The following UBL3 variants were observed in gnomAD, a reference collection of about 807,000 sequenced individuals.
UBL3 encodes ubiquitin like 3.
Under a neutral mutation model 18.4 loss-of-function variants are expected in UBL3, and 6 were observed. The ratio of observed to expected loss-of-function variants is 0.33; its 90% CI spans 0.18 to 0.64. UBL3 has a LOEUF of 0.64. Ranked by LOEUF, UBL3 falls within the 30% of genes least tolerant of loss-of-function variation. The pLI, the probability that UBL3 is intolerant of heterozygous loss-of-function variation, is 0.76. For synonymous variants in UBL3, 49 were observed against 46.6 expected (o/e 1.05, Z -0.21); for missense variants, 109 against 142.9 (o/e 0.76, Z 1.21).
At chr13:29,811,625 T>C (rs1878087855) in intron 1 of UBL3, among the ~76,000 whole-genome samples, 2 of 152,226 alleles carry the variant, frequency 1.3e-5, no homozygotes, top group Admixed American at 6.5e-5. Flanking sequence ...TTTCAACTGG[T>C]TGTGATACCT....
intron 1 of UBL3, among the ~76,000 whole-genome samples, chr13:29,808,937 T>C (rs571519501): frequency 6.6e-6 from 1 of 152,280 alleles, no homozygotes; most frequent in Admixed American, 6.5e-5. Context: ...TTGGATTAAC[T>C]AAAGACTATT....
Position 29,849,562 on chromosome 13 carries a change from A to G in UBL3, c.-24T>C, listed in dbSNP as rs1199405007. ...ATCTTGCCGTTTGATATACACCCAG[A>G]TGTTTACGAAAAAAACAAACAAAGA... On this transcript the variant is annotated 5_prime_UTR_variant, in exon 1 of 5. Transcript: ENST00000380680. The G allele has an allele frequency of 6.2e-7, 1 of 1,613,584 alleles. No individual in the cohort carries two copies. The highest frequency in any genetic ancestry group is 1.1e-5 in the South Asian group (1 of 91,082).
In UBL3 at chr13:29,764,876, G is replaced by C. The variant is rs1331306693; in HGVS notation, c.*2379C>G. The C allele has an allele frequency of 6.6e-6, 1 of 152,128 alleles. No individual in the cohort carries two copies. The highest frequency in any genetic ancestry group is 2.4e-5 in the African/African-American group (1 of 41,424). The allele number at this position is 152,128 out of a possible 1,614,324, so 9.4% of individuals were successfully genotyped here. On this transcript the variant is annotated 3_prime_UTR_variant, in exon 5 of 5. Coordinates refer to ENST00000380680, the MANE Select transcript of UBL3 (RefSeq NM_007106.4). ...ATGAGGAATCGTATTTTAACCACCA[G>C]GCAGTCCAAGGAATTATTTTTAAAG... is the stretch of plus-strand genomic sequence containing the variant.
At chr13:29,774,134 G>T (rs1876919132) in intron 2 of UBL3, among the ~76,000 whole-genome samples, 1 of 151,684 alleles carries the variant, frequency 6.6e-6, no homozygotes, top group South Asian at 2.1e-4. Context: ...TCTTTTTTTT[G>T]AAAATAAGGG....
intron 1 of UBL3, among the ~76,000 whole-genome samples, chr13:29,837,392 A>G (rs781378449): frequency 9.2e-5 from 14 of 152,228 alleles, no homozygotes; most frequent in Non-Finnish European, 1.3e-4. Context: ...TAAAAACTCA[A>G]TAATTAGAAA....
chr13:29,842,951 T>C (rs1049765440), intron 1 of UBL3, among the ~76,000 whole-genome samples: 1 of 152,218 alleles, frequency 6.6e-6, no homozygotes, highest in Non-Finnish European at 1.5e-5. Flanking sequence ...TTTAAACACA[T>C]ATTATTTTTA....
rs1047666354 is a variant in UBL3 at position 29,798,009 on chromosome 13, T to C, written c.28-20746A>G. Among the ~76,000 whole-genome samples the C allele has an allele frequency of 4.6e-5, 7 of 152,030 alleles. No individual in the cohort carries two copies. The South Asian group carries it at 8.3e-4, about 18-fold the overall frequency. On this transcript the variant is annotated intron_variant, in intron 1 of 4. Transcript: ENST00000380680. The stretch of plus-strand genomic sequence containing the variant: ...GTTTTTCACAATGTAGTTTTTTTTT[T>C]TGATGGCATATTAAATATATATTTT...
intron 1 of UBL3, among the ~76,000 whole-genome samples, chr13:29,835,149 T>TAA (rs1878919234): frequency 1.1e-3 from 20 of 18,590 alleles, no homozygotes; most frequent in Admixed American, 3.1e-3. Flanking sequence ...TATATATATA[T>TAA]ATATATATAT....
chr13:29,794,086 T>A (rs1877547697), intron 1 of UBL3, among the ~76,000 whole-genome samples: 1 of 152,100 alleles, frequency 6.6e-6, no homozygotes, highest in Non-Finnish European at 1.5e-5. Flanking sequence ...CCTCAAGAGA[T>A]CCACTCGCCT....
At chr13:29,778,234 A>G (rs922227574) in intron 1 of UBL3, among the ~76,000 whole-genome samples, 11 of 152,232 alleles carry the variant, frequency 7.2e-5, no homozygotes, top group Admixed American at 2.0e-4. Flanking sequence ...GGGGGATAAC[A>G]GAATTAAAGT....
intron 1 of UBL3, among the ~76,000 whole-genome samples, chr13:29,818,027 T>A (rs996474916): frequency 6.6e-6 from 1 of 152,186 alleles, no homozygotes; most frequent in Non-Finnish European, 1.5e-5. Flanking sequence ...CATTCACAAA[T>A]TGCATTTAGT....
At position 29,785,064 on chromosome 13, in the gene UBL3, C is replaced by T. The variant is rs189832605; in HGVS notation, c.28-7801G>A. ...GGGACTACAGGTGCACGCCACCATG[C>T]CCGGCTAATTTTTGTATTTTTAGTA... On this transcript the variant is annotated intron_variant, in intron 1 of 4. Coordinates refer to ENST00000380680, the MANE Select transcript of UBL3 (RefSeq NM_007106.4). Among the ~76,000 whole-genome samples, 290 of 152,230 alleles carry T rather than the reference C, an allele frequency of 1.9e-3. 1 individual carries two copies. The highest frequency in any genetic ancestry group is 6.6e-3 in the African/African-American group (274 of 41,538).
intron 1 of UBL3, among the ~76,000 whole-genome samples, chr13:29,822,778 A>C (rs1878496841): frequency 6.6e-6 from 1 of 152,112 alleles, no homozygotes; most frequent in African/African-American, 2.4e-5. Context: ...CCTGTGAAAA[A>C]CTCAAAGAAC....
At chr13:29,829,151 G>A (rs1299990878) in intron 1 of UBL3, among the ~76,000 whole-genome samples, 3 of 152,178 alleles carry the variant, frequency 2.0e-5, no homozygotes, top group Non-Finnish European at 4.4e-5. Flanking sequence ...CCCACTTGAG[G>A]AGGCAGTCTG....
intron 1 of UBL3, among the ~76,000 whole-genome samples, chr13:29,835,083 AATATAAATATATATAT>A (rs1878884077): frequency 1.2e-5 from 1 of 86,296 alleles, no homozygotes; most frequent in African/African-American, 5.7e-5. Context: ...AAAATATATA[AATATAAATATATATAT>A]ATATATAAAT....
At position 29,767,104 on chromosome 13, in the gene UBL3, T is replaced by A. The variant is rs911296330; in HGVS notation, c.*151A>T. Reference sequence around the variant, plus strand: ...ATGTTCTTGGTTCTTTTTACTTTCATGAGAAAAGATGACAGTGTTCATGTG... The same window carrying A: ...ATGTTCTTGGTTCTTTTTACTTTCAAGAGAAAAGATGACAGTGTTCATGTG... On this transcript the variant is annotated 3_prime_UTR_variant, in exon 5 of 5. Transcript: ENST00000380680. The A allele has an allele frequency of 1.3e-5, 8 of 629,956 alleles. No homozygotes were observed. The highest frequency in any genetic ancestry group is 1.5e-5 in the Non-Finnish European group (6 of 390,344). 39.0% of individuals were successfully genotyped at this position (629,956 alleles called of 1,614,324 possible).
intron 1 of UBL3, among the ~76,000 whole-genome samples, chr13:29,801,222 CTG>C (rs1173336300): frequency 3.9e-5 from 6 of 152,274 alleles, no homozygotes; most frequent in Middle Eastern, 3.4e-3. Context: ...TCTCTTTTCT[CTG>C]TGAGACCCCA....
At chr13:29,839,815 T>C (rs1879052036) in intron 1 of UBL3, among the ~76,000 whole-genome samples, 1 of 151,254 alleles carries the variant, frequency 6.6e-6, no homozygotes, top group African/African-American at 2.4e-5. Flanking sequence ...TAGTCCCAGT[T>C]ACTCGGGAGG....
intron 1 of UBL3, among the ~76,000 whole-genome samples, chr13:29,809,509 G>A (rs1358892084): frequency 6.6e-6 from 1 of 152,118 alleles, no homozygotes; most frequent in Non-Finnish European, 1.5e-5. Context: ...AAAGTGGACT[G>A]TGAAACCATT....
Sources: allele counts gnomAD v4.1 joint callset (sites outside exome capture counted in the v4.1 genomes callset), GRCh38; gene constraint gnomAD v4.1.1; transcripts MANE v1.5; gene names NCBI Gene and HGNC (gene_info 2026-07-23, HGNC 2026-07-21).